Variants in ZNF398 observed in about 807,000 individuals in gnomAD.
The protein encoded by ZNF398 is zinc finger DNA binding protein ZER6.
ZNF398 carries 18 observed loss-of-function variants against 41.9 expected under a neutral mutation model. The observed-to-expected ratio is 0.43, with a 90% CI of 0.30 to 0.64. The LOEUF (loss-of-function observed/expected upper bound fraction) is 0.64. ZNF398 is among the 30% of genes least tolerant of loss of function. The probability of loss-of-function intolerance (pLI) is 0.14; values close to 1 mark genes in which losing one functional copy is unlikely to be tolerated. For missense variants in ZNF398, 669 were observed against 822.8 expected (o/e 0.81, Z 2.29); for synonymous variants, 260 against 308.8 (o/e 0.84, Z 1.66).
chr7:149,169,934 GTC>G (rs1795297571), intron 4 of ZNF398, among the ~76,000 whole-genome samples: 1 of 152,156 alleles, frequency 6.6e-6, no homozygotes, highest in Admixed American at 6.5e-5. Flanking sequence ...CTGGGACAAA[GTC>G]TGCAGGAAAC....
rs1453828144 is a variant in ZNF398 at position 149,180,744 on chromosome 7, T to C, written c.*943T>C. 2.0e-5 allele frequency: 3 copies of C among 152,230 alleles called. No individual in the cohort carries two copies. Among genetic ancestry groups the C allele is most frequent in the Admixed American group, 6.5e-5 (1 of 15,278 alleles). The allele number at this position is 152,230 out of a possible 1,614,324, so 9.4% of individuals were successfully genotyped here. ...GCTTCTCCATTCCTGGTGTCTGATA[T>C]TCTTGACAATCATCAGCAACAAAGA... On this transcript the variant is annotated 3_prime_UTR_variant, in exon 6 of 6. Coordinates refer to ENST00000475153, the MANE Select transcript of ZNF398 (RefSeq NM_170686.3).
At chr7:149,143,771 C>A (rs2129519756), upstream of ZNF398, among the ~76,000 whole-genome samples, 1 of 152,238 alleles carries the variant, frequency 6.6e-6, no homozygotes, top group South Asian at 2.1e-4. Context: ...GAGATTGCGC[C>A]ATTCCACTCT....
At chr7:149,141,016 C>CGCGACAGAGGCACAGCCTGT (rs1826811172) in intron 2 of ZNF398, among the ~76,000 whole-genome samples, 1 of 138,176 alleles carries the variant, frequency 7.2e-6, no homozygotes, top group East Asian at 2.1e-4. Flanking sequence ...CTCCAGCCTG[C>CGCGACAGAGGCACAGCCTGT]GCGACAGAGG....
chr7:149,165,338 A>T (rs1795204683), intron 2 of ZNF398, among the ~76,000 whole-genome samples: 1 of 152,220 alleles, frequency 6.6e-6, no homozygotes, highest in Non-Finnish European at 1.5e-5. Flanking sequence ...AGTTAGAAGA[A>T]AAGCATATGC....
chr7:149,143,438 G>A (rs77426220), upstream of ZNF398, among the ~76,000 whole-genome samples: 115 of 152,348 alleles, frequency 7.5e-4, no homozygotes, highest in African/African-American at 2.5e-3. Flanking sequence ...CCTTGATTCT[G>A]TGCAAAGGAA....
At chr7:149,163,890 A>G (rs949888774) in intron 2 of ZNF398, among the ~76,000 whole-genome samples, 8 of 152,058 alleles carry the variant, frequency 5.3e-5, no homozygotes, top group Non-Finnish European at 8.8e-5. Flanking sequence ...AGGTAGGTGA[A>G]TCATTTGAGG....
At chr7:149,150,182 A>G (rs954299613) in intron 1 of ZNF398, among the ~76,000 whole-genome samples, 1 of 152,228 alleles carries the variant, frequency 6.6e-6, no homozygotes, top group Non-Finnish European at 1.5e-5. Context: ...AGAAAGTTGA[A>G]TGAATTTAGG....
chr7:149,142,266 T>G (rs971078994), intron 2 of ZNF398, among the ~76,000 whole-genome samples: 2 of 152,084 alleles, frequency 1.3e-5, no homozygotes, highest in Non-Finnish European at 2.9e-5. Flanking sequence ...CACCAAAAGG[T>G]TAATGAAATA....
At chr7:149,141,557 C>A (rs1826827761) in intron 2 of ZNF398, among the ~76,000 whole-genome samples, 1 of 144,400 alleles carries the variant, frequency 6.9e-6, no homozygotes, top group Non-Finnish European at 1.5e-5. Flanking sequence ...CGAGTTAATG[C>A]CATTCTCCTG....
At chr7:149,166,752 T>C in intron 3 of ZNF398, 65 bp from the exon 4 acceptor site, 1 of 1,156,038 alleles carries the variant, frequency 8.7e-7, no homozygotes, top group Non-Finnish European at 1.3e-6. Context: ...TCAGCCTTGA[T>C]GGCAATTAGT....
intron 4 of ZNF398, among the ~76,000 whole-genome samples, chr7:149,168,960 C>A (rs576496702): frequency 2.6e-5 from 4 of 152,116 alleles, no homozygotes; most frequent in South Asian, 2.1e-4. Flanking sequence ...TAAAATAATA[C>A]CACCAATAAA....
Position 149,180,015 on chromosome 7 carries a change from A to G in ZNF398, c.*214A>G. On this transcript the variant is annotated 3_prime_UTR_variant, in exon 6 of 6. Coordinates refer to ENST00000475153, the MANE Select transcript of ZNF398 (RefSeq NM_170686.3). Reference sequence around the variant, plus strand: ...ATTTTGAAACCCAGAAAGACCTGGAAAGGAGCCCAGCATGTCCATCTTTTC... The same window carrying G: ...ATTTTGAAACCCAGAAAGACCTGGAGAGGAGCCCAGCATGTCCATCTTTTC... 2.1e-6 allele frequency: 1 copy of G among 470,474 alleles called. No individual in the cohort carries two copies. Among genetic ancestry groups the G allele is most frequent in the East Asian group, 3.3e-5 (1 of 30,654 alleles). The allele number at this position is 470,474 out of a possible 1,614,324, so 29.1% of individuals were successfully genotyped here.
In ZNF398 at chr7:149,166,234, A is replaced by T; in HGVS notation, c.497A>T (p.Glu166Val). ...GAAAAATTAGAAGAATGGCAAAAGG[A>T]ACTTTACAAGAATATCATGAAGGGC... ...EWEKLEEWQK[E>V]LYKNIMKGNY... The change falls in exon 3 of 6, where the codon GAA (glutamate) becomes GTA (valine). Residue 166 changes from glutamate (E) to valine (V), a missense_variant. Glu to Val is a moderately radical substitution (Grantham distance 121). This residue lies in a region of ZNF398 where 169 missense variants were observed against 239.5 expected (regional missense o/e 0.71). Transcript: ENST00000475153. The T allele has an allele frequency of 6.2e-7, 1 of 1,614,138 alleles. No individual in the cohort carries two copies. The highest frequency in any genetic ancestry group is 8.5e-7 in the Non-Finnish European group (1 of 1,179,998).
chr7:149,134,889 C>G (rs1246528243), intron 2 of ZNF398, among the ~76,000 whole-genome samples: 1 of 152,000 alleles, frequency 6.6e-6, no homozygotes, highest in Non-Finnish European at 1.5e-5. Context: ...CACCACCACG[C>G]CCAGCTAATT....
In ZNF398 at chr7:149,166,566, G is replaced by A. The variant is rs538994806; in HGVS notation, c.548-251G>A. ...GAAAGGAGCTTGACTTCTCCCCCTT[G>A]AGGCACACTGTCACTCTGAAAGCAG... is the stretch of plus-strand genomic sequence containing the variant. On this transcript the variant is annotated intron_variant, in intron 3 of 5. Transcript: ENST00000475153. Among the ~76,000 whole-genome samples the A allele has an allele frequency of 2.6e-5, 4 of 152,288 alleles. No individual in the cohort carries two copies. In the South Asian group the frequency reaches 8.3e-4, roughly 32 times the overall value.
intron 4 of ZNF398, among the ~76,000 whole-genome samples, chr7:149,172,923 A>G (rs1563165553): frequency 6.6e-6 from 1 of 152,132 alleles, no homozygotes; most frequent in Non-Finnish European, 1.5e-5. Context: ...TTATGTCTAA[A>G]AAAACAATGT....
chr7:149,179,695 C>T lies in ZNF398; in HGVS notation c.1823C>T (p.Pro608Leu). The change falls in exon 6 of 6, where the codon CCA becomes CTA. Residue 608 changes from proline to leucine, a missense_variant. Around this residue, in one of 3 missense-constraint regions of ZNF398, gnomAD observed 210 missense variants for 290.4 expected, o/e 0.72. Coordinates refer to ENST00000475153, the MANE Select transcript of ZNF398 (RefSeq NM_170686.3). This position sits in a 1 kb window ranked among gnomAD's most constrained non-coding sequence, Gnocchi z 6.1. The part of the protein sequence containing the change: ...SDPSGQPPNP[P>L]GPLITGLETS... ...CCATCAGGTCAGCCACCCAACCCAC[C>T]AGGTCCCCTCATAACTGGGCTTGAA... 6.2e-7 allele frequency: 1 copy of T among 1,614,224 alleles called. No individual in the cohort carries two copies.
intron 1 of ZNF398, among the ~76,000 whole-genome samples, chr7:149,151,050 T>C (rs1827097784): frequency 6.6e-6 from 1 of 152,068 alleles, no homozygotes; most frequent in South Asian, 2.1e-4. Flanking sequence ...GAGGACAAAC[T>C]GTACTAAAAG....
intron 4 of ZNF398, among the ~76,000 whole-genome samples, chr7:149,169,738 C>T (rs1257023838): frequency 6.6e-6 from 1 of 152,120 alleles, no homozygotes. Context: ...AGGCCTGAGC[C>T]ACCACACCCA....
Sources: gnomAD v4.1 joint callset for allele counts (sites outside exome capture counted in the v4.1 genomes callset) on GRCh38, gnomAD v4.1.1 for gene constraint, gnomAD v4.1.1 regional missense constraint, Gnocchi (gnomAD v3.1) non-coding constraint, MANE v1.5 for transcripts, NCBI Gene and HGNC (gene_info 2026-07-23, HGNC 2026-07-21) for gene names.